RBFOX1: variants seen among roughly 807,000 people sequenced by gnomAD.
RBFOX1 encodes RNA binding fox-1 homolog 1.
Under a neutral mutation model 57.7 loss-of-function variants are expected in RBFOX1, and 8 were observed. The observed-to-expected ratio is 0.14, with a 90% confidence interval of 0.08 to 0.25. The LOEUF is 0.25. Ranked by LOEUF, RBFOX1 falls within the 10% of genes least tolerant of loss-of-function variation. RBFOX1 has a pLI of 1.00. For missense variants in RBFOX1, 611 were observed against 548.5 expected (o/e 1.11, Z -1.14); for synonymous variants, 326 against 222.4 (o/e 1.47, Z -4.15).
chr16:6,663,063 T>C (rs548581252), intron 3 of RBFOX1, among the ~76,000 whole-genome samples: 5 of 152,282 alleles, frequency 3.3e-5, no homozygotes, highest in Admixed American at 3.3e-4. Flanking sequence ...ACTCTCCTTG[T>C]GTGCAGGAGG....
chr16:6,256,986 AGAT>A (rs1214595235), intron 1 of RBFOX1, among the ~76,000 whole-genome samples: 2 of 152,156 alleles, frequency 1.3e-5, no homozygotes, highest in African/African-American at 4.8e-5. Context: ...TTCCATGAGT[AGAT>A]GTGAGATTTG....
chr16:6,351,770 A>T (rs1365289673), intron 2 of RBFOX1, among the ~76,000 whole-genome samples: 1 of 152,186 alleles, frequency 6.6e-6, no homozygotes, highest in African/African-American at 2.4e-5. Context: ...CATATATTAA[A>T]TACATGTTAT....
chr16:7,065,080 C>T (rs1336214884), intron 4 of RBFOX1, among the ~76,000 whole-genome samples: 1 of 152,198 alleles, frequency 6.6e-6, no homozygotes, highest in Non-Finnish European at 1.5e-5. Flanking sequence ...CAGCGTGTTA[C>T]TTGGTTTCAT....
At chr16:7,224,511 GC>G (rs145037738) in intron 4 of RBFOX1, among the ~76,000 whole-genome samples, 8,175 of 152,178 alleles carry the variant, frequency 0.054, 279 homozygotes, top group African/African-American at 0.09. Flanking sequence ...CCTGGGACCT[GC>G]CCCTCAGTGC....
chr16:6,526,661 T>C (rs1461411581), intron 2 of RBFOX1, among the ~76,000 whole-genome samples: 1 of 150,640 alleles, frequency 6.6e-6, no homozygotes, highest in African/African-American at 2.4e-5. Flanking sequence ...AAACCCCGTG[T>C]CTACTAAAAA....
intron 2 of RBFOX1, among the ~76,000 whole-genome samples, chr16:6,381,521 C>T (rs1156476120): frequency 1.3e-5 from 2 of 152,158 alleles, no homozygotes; most frequent in Admixed American, 6.6e-5. Flanking sequence ...TTTGTGTGAC[C>T]ATGCTAACTT....
intron 1 of RBFOX1, among the ~76,000 whole-genome samples, chr16:5,403,371 A>AAC (rs1555509361): frequency 2.6e-5 from 4 of 151,606 alleles, no homozygotes; most frequent in Non-Finnish European, 5.9e-5. Context: ...AAAAAAACAA[A>AAC]AAACAAACAA....
At chr16:6,682,971 A>C (rs541855231) in intron 3 of RBFOX1, among the ~76,000 whole-genome samples, 39 of 152,146 alleles carry the variant, frequency 2.6e-4, no homozygotes, top group Non-Finnish European at 4.9e-4. Context: ...GGGGTTGACA[A>C]GCTGCAGTGT....
intron 4 of RBFOX1, among the ~76,000 whole-genome samples, chr16:7,374,663 C>G (rs534398521): frequency 6.6e-6 from 1 of 152,130 alleles, no homozygotes; most frequent in Admixed American, 6.5e-5. Flanking sequence ...TAAAAAATGA[C>G]AGAAATCTTC....
chr16:5,468,638 G>A (rs1256010668), intron 2 of RBFOX1, among the ~76,000 whole-genome samples: 1 of 152,196 alleles, frequency 6.6e-6, no homozygotes, highest in Admixed American at 6.5e-5. Flanking sequence ...GAAGCCAAAA[G>A]GAGAAATAGC....
chr16:5,562,688 C>T (rs1306756762), intron 2 of RBFOX1, among the ~76,000 whole-genome samples: 1 of 152,104 alleles, frequency 6.6e-6, no homozygotes, highest in Admixed American at 6.5e-5. Context: ...CATCTGGCCA[C>T]ATTCCCCTGC....
intron 4 of RBFOX1, among the ~76,000 whole-genome samples, chr16:7,503,376 C>G (rs1488765910): frequency 6.6e-6 from 1 of 152,162 alleles, no homozygotes; most frequent in African/African-American, 2.4e-5. Flanking sequence ...CAATTTCCTC[C>G]TTTAGAAGCA....
intron 2 of RBFOX1, among the ~76,000 whole-genome samples, chr16:5,506,490 T>C (rs1185971552): frequency 1.3e-5 from 2 of 152,154 alleles, no homozygotes; most frequent in African/African-American, 4.8e-5. Flanking sequence ...ATGTCCCCAG[T>C]GCAAAATGAA....
chr16:7,162,502 G>C (rs985948598), intron 4 of RBFOX1, among the ~76,000 whole-genome samples: 1 of 150,818 alleles, frequency 6.6e-6, no homozygotes, highest in Non-Finnish European at 1.5e-5. Context: ...GGTTGAGGGG[G>C]ATAGATCACC....
At chr16:6,465,895 T>C (rs1161259944) in intron 2 of RBFOX1, among the ~76,000 whole-genome samples, 6 of 151,936 alleles carry the variant, frequency 3.9e-5, no homozygotes, top group Non-Finnish European at 7.4e-5. Context: ...TGTGTGTGTG[T>C]GTGTGTGTTC....
chr16:7,230,022 G>C (rs1388646892), intron 4 of RBFOX1, among the ~76,000 whole-genome samples: 1 of 133,094 alleles, frequency 7.5e-6, no homozygotes, highest in Non-Finnish European at 1.6e-5. Context: ...GGGAGGAAGA[G>C]GGGAAGGAAG....
intron 2 of RBFOX1, among the ~76,000 whole-genome samples, chr16:5,592,648 A>T (rs2151186550): frequency 6.6e-6 from 1 of 152,192 alleles, no homozygotes. Flanking sequence ...CTATTTTATT[A>T]TGTTAAGTCC....
chr16:7,245,272 C>G (rs987371107), intron 4 of RBFOX1, among the ~76,000 whole-genome samples: 1 of 151,968 alleles, frequency 6.6e-6, no homozygotes. Flanking sequence ...TCTTTGAGAG[C>G]TTTGAAGATG....
At chr16:7,676,354 G>C (rs1308705809) in intron 13 of RBFOX1, among the ~76,000 whole-genome samples, 2 of 152,082 alleles carry the variant, frequency 1.3e-5, no homozygotes, top group Admixed American at 1.3e-4. Flanking sequence ...CACTTTATAA[G>C]AAAATAAGAA....
Sources: allele counts gnomAD v4.1 joint callset (sites outside exome capture counted in the v4.1 genomes callset), GRCh38; gene constraint gnomAD v4.1.1; transcripts MANE v1.5; gene names NCBI Gene and HGNC (gene_info 2026-07-23, HGNC 2026-07-21).